Variants in LRRTM4 observed in about 807,000 individuals in gnomAD.
The protein encoded by LRRTM4 is leucine-rich repeat transmembrane neuronal protein 4.
In LRRTM4, 25 loss-of-function variants were observed where a neutral mutation model predicts 47.6. The observed-to-expected ratio is 0.53, with a 90% CI of 0.38 to 0.73. LRRTM4 has a LOEUF of 0.73. Among genes scored for constraint, LRRTM4 ranks in the 30% least tolerant of loss-of-function variants. The pLI, the probability that LRRTM4 is intolerant of heterozygous loss-of-function variation, is 0.00. For missense variants in LRRTM4, 638 were observed against 713.4 expected, an observed-to-expected ratio of 0.89 and a Z score of 1.20; for synonymous variants, 311 against 269.5, an observed-to-expected ratio of 1.15 and a Z score of -1.51.
chr2:76,961,618 T>C (rs1356425718), intron 3 of LRRTM4, among the ~76,000 whole-genome samples: 5 of 151,308 alleles, frequency 3.3e-5, no homozygotes, highest in East Asian at 2.0e-4. Context: ...GTTGGACCAA[T>C]AGTAAGAAAG....
At chr2:76,888,124 G>A (rs1205352794) in intron 3 of LRRTM4, among the ~76,000 whole-genome samples, 1 of 150,448 alleles carries the variant, frequency 6.6e-6, no homozygotes, top group African/African-American at 2.4e-5. Flanking sequence ...GTATACATAT[G>A]TGTGTGTATA....
At chr2:76,781,333 C>T (rs982620382) in intron 3 of LRRTM4, among the ~76,000 whole-genome samples, 1 of 150,570 alleles carries the variant, frequency 6.6e-6, no homozygotes, top group Non-Finnish European at 1.5e-5. Flanking sequence ...TGTTCAATGG[C>T]GGGCACCCCT....
chr2:77,259,854 C>T (rs1675870148), intron 3 of LRRTM4, among the ~76,000 whole-genome samples: 1 of 152,034 alleles, frequency 6.6e-6, no homozygotes. Flanking sequence ...ATAACACCTA[C>T]TCGTTTGATG....
At chr2:77,093,683 C>T (rs1407837488) in intron 3 of LRRTM4, among the ~76,000 whole-genome samples, 1 of 151,860 alleles carries the variant, frequency 6.6e-6, no homozygotes, top group Non-Finnish European at 1.5e-5. Context: ...GCCTCTGAGC[C>T]CAAGCCAAGC....
intron 3 of LRRTM4, among the ~76,000 whole-genome samples, chr2:76,782,374 G>C (rs1185259137): frequency 6.6e-6 from 1 of 152,106 alleles, no homozygotes; most frequent in African/African-American, 2.4e-5. Context: ...TTCTTTGCTT[G>C]GGAGAAGTTC....
intron 3 of LRRTM4, among the ~76,000 whole-genome samples, chr2:77,481,983 A>C (rs1677722671): frequency 6.6e-6 from 1 of 151,864 alleles, no homozygotes. Flanking sequence ...TTCTGTTGCA[A>C]TTTTTACAAC....
intron 3 of LRRTM4, among the ~76,000 whole-genome samples, chr2:77,472,751 G>A (rs1677240454): frequency 6.6e-6 from 1 of 152,134 alleles, no homozygotes; most frequent in Admixed American, 6.6e-5. Context: ...AATTGTCAGT[G>A]CTAAGGTGTG....
chr2:77,098,258 T>A (rs1468908082), intron 3 of LRRTM4, among the ~76,000 whole-genome samples: 1 of 152,022 alleles, frequency 6.6e-6, no homozygotes, highest in Non-Finnish European at 1.5e-5. Context: ...TCCTGTCTCA[T>A]CATTACACCA....
chr2:77,003,414 G>T (rs1205659519), intron 3 of LRRTM4, among the ~76,000 whole-genome samples: 1 of 152,104 alleles, frequency 6.6e-6, no homozygotes, highest in Non-Finnish European at 1.5e-5. Context: ...TTGTAGGAGG[G>T]ACCTGGTGGG....
intron 3 of LRRTM4, among the ~76,000 whole-genome samples, chr2:77,089,899 A>G (rs1226823535): frequency 1.3e-5 from 2 of 152,088 alleles, no homozygotes; most frequent in African/African-American, 2.4e-5. Context: ...ATTCTTTTAC[A>G]CATCAGTCCC....
At chr2:76,776,439 A>T (rs1263453423) in intron 3 of LRRTM4, among the ~76,000 whole-genome samples, 18 of 150,742 alleles carry the variant, frequency 1.2e-4, no homozygotes, top group East Asian at 4.0e-4. Flanking sequence ...GACTTTTGAA[A>T]GATTGCCATT....
chr2:76,949,474 T>C (rs578095838), intron 3 of LRRTM4, among the ~76,000 whole-genome samples: 76 of 152,006 alleles, frequency 5.0e-4, no homozygotes, highest in Non-Finnish European at 1.0e-3. Flanking sequence ...AACAATTTAT[T>C]CTGCTTGAAT....
At chr2:76,954,737 C>A in intron 3 of LRRTM4, among the ~76,000 whole-genome samples, 1 of 151,694 alleles carries the variant, frequency 6.6e-6, no homozygotes, top group East Asian at 1.9e-4. Context: ...CGCTGATATA[C>A]GCGATAATAA....
chr2:77,050,958 G>A (rs1679412136), intron 3 of LRRTM4, among the ~76,000 whole-genome samples: 1 of 151,574 alleles, frequency 6.6e-6, no homozygotes, highest in African/African-American at 2.4e-5. Flanking sequence ...ATTCTCAGAT[G>A]ATTTTAAAAA....
intron 3 of LRRTM4, among the ~76,000 whole-genome samples, chr2:76,882,105 C>T (rs908362153): frequency 3.9e-5 from 6 of 152,030 alleles, no homozygotes; most frequent in East Asian, 3.9e-4. Context: ...CTGTAACTTC[C>T]GTTCAGAAGT....
At chr2:77,077,939 T>C (rs562548926) in intron 3 of LRRTM4, among the ~76,000 whole-genome samples, 1 of 152,302 alleles carries the variant, frequency 6.6e-6, no homozygotes, top group East Asian at 1.9e-4. Flanking sequence ...CATTTTTAAG[T>C]GAAGAAAGAG....
At chr2:77,430,619 G>A (rs528797750) in intron 3 of LRRTM4, among the ~76,000 whole-genome samples, 1 of 149,084 alleles carries the variant, frequency 6.7e-6, no homozygotes, top group African/African-American at 2.6e-5. Context: ...TACTTGGGAG[G>A]CTGAGGCAGG....
chr2:77,461,359 C>T (rs979773632), intron 3 of LRRTM4, among the ~76,000 whole-genome samples: 1 of 152,042 alleles, frequency 6.6e-6, no homozygotes, highest in Admixed American at 6.6e-5. Context: ...GCCAGCAGCC[C>T]CAATATTTGA....
rs911423175 is a variant in LRRTM4, at chr2:77,423,957, A to G, written c.1551+94361T>C. ...CATATAAAATGCTATCTTGTTTTTC[A>G]GCTGTATCCATTAAGCTGTCAATTA... On this transcript the variant is annotated intron_variant, in intron 3 of 3. Transcript: ENST00000409884. Among the ~76,000 whole-genome samples the G allele has an allele frequency of 5.9e-5, 9 of 152,256 alleles. 1 individual carries two copies. The highest frequency in any genetic ancestry group is 2.2e-4 in the African/African-American group (9 of 41,570).
Sources: allele counts gnomAD v4.1 joint callset (sites outside exome capture counted in the v4.1 genomes callset), GRCh38; gene constraint gnomAD v4.1.1; transcripts MANE v1.5; gene names NCBI Gene and HGNC (gene_info 2026-07-23, HGNC 2026-07-21).